The following SETDB1 variants were observed in gnomAD, a reference collection of about 807,000 sequenced individuals.
The protein encoded by SETDB1 is histone-lysine N-methyltransferase SETDB1.
Under a neutral mutation model 137.4 loss-of-function variants are expected in SETDB1, and 31 were observed. That is an observed-to-expected ratio of 0.23 (90% confidence interval 0.17 to 0.30). The LOEUF (loss-of-function observed/expected upper bound fraction) is 0.30. SETDB1 is among the 10% of genes least tolerant of loss of function. The pLI is 1.00. For missense variants in SETDB1, 1,113 were observed against 1,631.5 expected, an observed-to-expected ratio of 0.68 and a Z score of 5.47; for synonymous variants, 548 against 579.9, an observed-to-expected ratio of 0.95 and a Z score of 0.79.
At chr1:150,928,114 G>A in intron 2 of SETDB1, 140 bp downstream of exon 2, 2 of 996,538 alleles carry the variant, frequency 2.0e-6, no homozygotes, top group South Asian at 1.6e-5. Flanking sequence ...CTAGAGTGCA[G>A]TGGAGTGATC....
chr1:150,962,277 T>A, intron 17 of SETDB1, 119 bp downstream of exon 17: 1 of 920,130 alleles, frequency 1.1e-6, no homozygotes, highest in Non-Finnish European at 1.8e-6. Flanking sequence ...CAAGAGATTC[T>A]CCCACCTCAG....
At chr1:150,929,670 C>G (rs1252900522) in intron 2 of SETDB1, among the ~76,000 whole-genome samples, 2 of 152,056 alleles carry the variant, frequency 1.3e-5, no homozygotes, top group African/African-American at 4.8e-5. Flanking sequence ...GTGTGAGCCA[C>G]CACTGCCAGC....
intron 2 of SETDB1, chr1:150,928,177 C>G (rs976809740): frequency 5.2e-6 from 3 of 572,848 alleles, no homozygotes; most frequent in African/African-American, 3.7e-5. Flanking sequence ...CCCACCTCCC[C>G]CTCCCGAGTA....
intron 3 of SETDB1, among the ~76,000 whole-genome samples, chr1:150,934,981 C>G (rs1413514897): frequency 3.3e-5 from 5 of 152,108 alleles, no homozygotes; most frequent in Admixed American, 3.3e-4. Flanking sequence ...ACCACCACGC[C>G]CGGCTAATTT....
At chr1:150,954,148 C>T (rs1423101838) in intron 14 of SETDB1, among the ~76,000 whole-genome samples, 1 of 152,154 alleles carries the variant, frequency 6.6e-6, no homozygotes, top group African/African-American at 2.4e-5. Flanking sequence ...GCCACCGCGC[C>T]CAGCCTAAAT....
At chr1:150,932,087 TA>T (rs1049751731) in intron 3 of SETDB1, among the ~76,000 whole-genome samples, 8 of 149,084 alleles carry the variant, frequency 5.4e-5, no homozygotes, top group South Asian at 2.1e-4. Context: ...TTTGCTGATT[TA>T]AAAAAAAAAG....
chr1:150,951,476 C>T lies in SETDB1; in HGVS notation c.2328C>T (p.Pro776=), dbSNP rs1337581838. The change falls in exon 14 of 22, where the codon CCC becomes CCT. Residue 776 remains proline, a synonymous_variant. Coordinates refer to ENST00000692827, the MANE Select transcript of SETDB1 (RefSeq NM_001366418.1). ...YQYKRLEECL[P]TGVYECNKRC... ...ACAAGAGACTAGAAGAGTGTCTACC[C>T]ACAGGGTAAGTGGTCAAGGAATGGC... is the stretch of plus-strand genomic sequence containing the variant. The T allele has an allele frequency of 2.5e-6, 4 of 1,569,112 alleles. No individual in the cohort carries two copies. Among genetic ancestry groups the T allele is most frequent in the African/African-American group, 2.7e-5 (2 of 73,996 alleles).
chr1:150,952,244 G>A (rs587597703), intron 14 of SETDB1, among the ~76,000 whole-genome samples: 2 of 152,212 alleles, frequency 1.3e-5, no homozygotes, highest in African/African-American at 4.8e-5. Context: ...AGATTACTCT[G>A]GCTTCTTTGT....
chr1:150,957,476 C>T (rs1248247506), intron 14 of SETDB1, among the ~76,000 whole-genome samples: 6 of 152,170 alleles, frequency 3.9e-5, no homozygotes, highest in Non-Finnish European at 7.3e-5. Flanking sequence ...GAGGATATGA[C>T]TAAAATCGTG....
intron 19 of SETDB1, 43 bp downstream of exon 19, chr1:150,963,182 G>C (rs370034319): frequency 2.9e-5 from 46 of 1,570,116 alleles, no homozygotes; most frequent in Non-Finnish European, 3.7e-5. Flanking sequence ...GAAATAGTAA[G>C]AAACTTGGGA....
In SETDB1 at chr1:150,926,435, T is replaced by G. The variant is rs945910367; in HGVS notation, c.-94T>G. On this transcript the variant is annotated 5_prime_UTR_variant, in exon 1 of 22. Transcript: ENST00000692827. Reference sequence around the variant, plus strand: ...TCCTCCCTTATCCCTTCGCTTTCGCTCTTTTCCGTCGAGGCCGACCCCTGA... The same window carrying G: ...TCCTCCCTTATCCCTTCGCTTTCGCGCTTTTCCGTCGAGGCCGACCCCTGA... 2 of 283,654 alleles carry G rather than the reference T, an allele frequency of 7.1e-6. No individual in the cohort carries two copies. The highest frequency in any genetic ancestry group is 6.1e-5 in the South Asian group (2 of 32,586). 17.6% of individuals were successfully genotyped at this position (283,654 alleles called of 1,614,324 possible). A position where few individuals can be genotyped will look rare whatever the true frequency, so the allele number is the denominator to read the frequency against.
rs1274044751 is a variant in SETDB1, at chr1:150,927,725, T to C, written c.11T>C (p.Leu4Pro). 6.2e-7 allele frequency: 1 copy of C among 1,614,052 alleles called. No individual in the cohort carries two copies. The highest frequency in any genetic ancestry group is 8.5e-7 in the Non-Finnish European group (1 of 1,179,928). ...GCAGAGGACAAAAGCATGTCTTCCC[T>C]TCCTGGGTGCATTGGTTTGGATGCA... MSS[L>P]PGCIGLDAAT... The change falls in exon 2 of 22, where the codon CTT becomes CCT. Residue 4 changes from leucine (L) to proline (P), a missense_variant. Leu to Pro is a moderately conservative substitution (Grantham distance 98, BLOSUM62 -3). Around this residue, in one of 11 missense-constraint regions of SETDB1, gnomAD observed 32 missense variants for 26.3 expected, o/e 1.22. Transcript: ENST00000692827.
intron 1 of SETDB1, among the ~76,000 whole-genome samples, chr1:150,927,027 G>A (rs1669546178): frequency 6.6e-6 from 1 of 152,150 alleles, no homozygotes; most frequent in African/African-American, 2.4e-5. Flanking sequence ...GTTTAAATTA[G>A]GCATAGCATA....
At chr1:150,931,759 TC>T (rs1461348257) in intron 3 of SETDB1, among the ~76,000 whole-genome samples, 1 of 149,234 alleles carries the variant, frequency 6.7e-6, no homozygotes, top group Non-Finnish European at 1.5e-5. Flanking sequence ...GACATCCTTT[TC>T]TTCTTCCTGA....
rs999294159 is a variant in SETDB1 at position 150,962,579 on chromosome 1, C to T, written c.3162-8C>T. 1.2e-6 allele frequency: 2 copies of T among 1,613,858 alleles called. No homozygotes were observed. Among genetic ancestry groups the T allele is most frequent in the Admixed American group, 3.3e-5 (2 of 59,994 alleles). ...ACCTGTTGGCTTCATTCCTTCCCCT[C>T]CCATTAGAGTTACTGAAAGCTCTCG... is the stretch of plus-strand genomic sequence containing the variant. On this transcript the variant is annotated splice_polypyrimidine_tract_variant and splice_region_variant and intron_variant, in intron 17 of 21. Transcript: ENST00000692827.
At chr1:150,941,091 A>G (rs890646827) in intron 4 of SETDB1, among the ~76,000 whole-genome samples, 5 of 152,038 alleles carry the variant, frequency 3.3e-5, no homozygotes, top group Admixed American at 3.3e-4. Flanking sequence ...TGAACCCAGG[A>G]AGTGGAGGTT....
Position 150,927,949 on chromosome 1 carries a change from G to A in SETDB1, c.235G>A (p.Asp79Asn), listed in dbSNP as rs747469470. 44 of 1,614,158 alleles carry A rather than the reference G, an allele frequency of 2.7e-5. No homozygotes were observed. The highest frequency in any genetic ancestry group is 3.6e-5 in the Non-Finnish European group (43 of 1,180,020). The change falls in exon 2 of 22, where the codon GAC (aspartate) becomes AAC (asparagine). Residue 79 changes from aspartate (D) to asparagine (N), a missense_variant. Transcript: ENST00000692827. Reference sequence around the variant, plus strand: ...GAAAGAATCTGAGGTGGCTCACGTTGACCAACTCTTTGATGATGCATCCAG... The same window carrying A: ...GAAAGAATCTGAGGTGGCTCACGTTAACCAACTCTTTGATGATGCATCCAG... Reference protein sequence around the residue: ...IQKESEVAHVDQLFDDASRAV... With the variant: ...IQKESEVAHVNQLFDDASRAV...
chr1:150,939,863 A>G, intron 3 of SETDB1, 77 bp from the exon 4 acceptor site: 1 of 1,004,308 alleles, frequency 1.0e-6, no homozygotes, highest in Non-Finnish European at 1.5e-6. Flanking sequence ...AATGCTTTTG[A>G]GTAAGTTAGT....
chr1:150,927,563 A>G (rs1669570788), intron 1 of SETDB1, 141 bp from the exon 2 acceptor site: 1 of 704,166 alleles, frequency 1.4e-6, no homozygotes, highest in African/African-American at 1.8e-5. Context: ...GATTCTGGAG[A>G]ATAGGGAGGG....
Sources: allele counts gnomAD v4.1 joint callset (sites outside exome capture counted in the v4.1 genomes callset), GRCh38; gene constraint gnomAD v4.1.1; regional missense constraint gnomAD v4.1.1; transcripts MANE v1.5; gene names NCBI Gene and HGNC (gene_info 2026-07-23, HGNC 2026-07-21).